IPO8: variants seen among roughly 807,000 people sequenced by gnomAD.
IPO8 encodes importin-8.
Under a neutral mutation model 141.2 loss-of-function variants are expected in IPO8, and 65 were observed. The ratio of observed to expected loss-of-function variants is 0.46; its 90% CI spans 0.38 to 0.57. The LOEUF (loss-of-function observed/expected upper bound fraction) is 0.57, where lower values mean the gene tolerates loss of function less well. Ranked by LOEUF, IPO8 falls within the 20% of genes least tolerant of loss-of-function variation. The pLI, the probability that IPO8 is intolerant of heterozygous loss-of-function variation, is 0.00. For missense variants in IPO8, 980 were observed against 1,246.8 expected (o/e 0.79, Z 3.22); for synonymous variants, 411 against 420.3 (o/e 0.98, Z 0.27).
At chr12:30,651,482 C>G (rs1343250505) in intron 19 of IPO8, among the ~76,000 whole-genome samples, 1 of 152,070 alleles carries the variant, frequency 6.6e-6, no homozygotes, top group African/African-American at 2.4e-5. Context: ...GCTCTACGGC[C>G]AAACGTTTTG....
intron 1 of IPO8, chr12:30,694,961 T>C (rs1408058217): frequency 2.0e-5 from 9 of 455,532 alleles, no homozygotes; most frequent in South Asian, 4.7e-5. Context: ...ATAAGAAATT[T>C]CTCCAACACA....
At chr12:30,675,185 G>A (rs1477515679) in intron 6 of IPO8, among the ~76,000 whole-genome samples, 1 of 152,148 alleles carries the variant, frequency 6.6e-6, no homozygotes, top group Non-Finnish European at 1.5e-5. Context: ...AAATAATACT[G>A]CACATTTTAA....
Position 30,674,026 on chromosome 12 carries a change from T to C in IPO8, c.873A>G (p.Glu291=). ...NVTKEYFEFS[E]FFLKTYAVGI... The stretch of plus-strand genomic sequence containing the variant: ...CCACTGCATAGGTTTTCAAAAAGAA[T>C]TCAGAAAATTCAAAGTATTCTTTTG... The change falls in exon 8 of 25, where the codon GAA becomes GAG. Residue 291 remains glutamate, a synonymous_variant. Transcript: ENST00000256079. 1 of 1,592,458 alleles carries C rather than the reference T, an allele frequency of 6.3e-7. No individual in the cohort carries two copies. Among genetic ancestry groups the C allele is most frequent in the South Asian group, 1.1e-5 (1 of 88,046 alleles).
chr12:30,666,075 C>T (rs889895781), intron 11 of IPO8, 100 bp downstream of exon 11: 13 of 818,482 alleles, frequency 1.6e-5, no homozygotes, highest in East Asian at 1.0e-4. Context: ...CAAATTATAA[C>T]GAATAACAAC....
chr12:30,672,564 C>T (rs1211240037), intron 8 of IPO8, among the ~76,000 whole-genome samples: 1 of 152,050 alleles, frequency 6.6e-6, no homozygotes, highest in Non-Finnish European at 1.5e-5. Flanking sequence ...GATATAATGG[C>T]ATTTTTATAT....
Position 30,684,285 on chromosome 12 carries a change from A to G in IPO8, c.323+16T>C, listed in dbSNP as rs1191932435. 2 of 1,611,986 alleles carry G rather than the reference A, an allele frequency of 1.2e-6. No individual in the cohort carries two copies. Among genetic ancestry groups the G allele is most frequent in the Non-Finnish European group, 8.5e-7 (1 of 1,178,546 alleles). On this transcript the variant is annotated intron_variant, in intron 3 of 24. Transcript: ENST00000256079. ...TTCATGCTTTCTAGTAATCACAAATATATAGCACCACATACCTCACTAAAT... is the reference window on the plus strand; with the variant it reads ...TTCATGCTTTCTAGTAATCACAAATGTATAGCACCACATACCTCACTAAAT...
At chr12:30,643,625 G>A (rs1257255639) in intron 20 of IPO8, among the ~76,000 whole-genome samples, 1 of 152,208 alleles carries the variant, frequency 6.6e-6, no homozygotes, top group Non-Finnish European at 1.5e-5. Context: ...CTGTTGTGAT[G>A]TAATGAGCGA....
chr12:30,690,042 G>A (rs1008985493), intron 2 of IPO8, among the ~76,000 whole-genome samples: 12 of 152,186 alleles, frequency 7.9e-5, no homozygotes, highest in Non-Finnish European at 1.5e-4. Flanking sequence ...TAAGTTTCAT[G>A]TTTAAAACAT....
chr12:30,679,860 A>T (rs1591842872), intron 5 of IPO8, among the ~76,000 whole-genome samples: 1 of 152,146 alleles, frequency 6.6e-6, no homozygotes, highest in South Asian at 2.1e-4. Context: ...CTCCAATCAG[A>T]CCTAAATAAT....
chr12:30,674,845 G>A (rs924854360), intron 6 of IPO8, 92 bp from the exon 7 acceptor site: 23 of 844,506 alleles, frequency 2.7e-5, no homozygotes, highest in Non-Finnish European at 4.3e-5. Context: ...TATAGGTTAA[G>A]TCATATTAAA....
chr12:30,655,833 C>A (rs554111182), intron 17 of IPO8, among the ~76,000 whole-genome samples: 1 of 152,308 alleles, frequency 6.6e-6, no homozygotes, highest in South Asian at 2.1e-4. Context: ...TGCTCTTAAT[C>A]AGAGACAGGC....
chr12:30,682,943 T>A (rs1014415758), intron 3 of IPO8, among the ~76,000 whole-genome samples: 10 of 152,090 alleles, frequency 6.6e-5, no homozygotes, highest in Admixed American at 3.3e-4. Context: ...CAGAGAACCG[T>A]CCCGTAATAA....
chr12:30,677,848 A>G (rs2053142086), intron 5 of IPO8, among the ~76,000 whole-genome samples: 1 of 152,180 alleles, frequency 6.6e-6, no homozygotes, highest in East Asian at 1.9e-4. Context: ...TAAAAATTTT[A>G]AAGTTTGGCC....
In IPO8 at chr12:30,665,774, A is replaced by G. The variant is rs748132936; in HGVS notation, c.1293T>C (p.Asp431=). 1.2e-5 allele frequency: 19 copies of G among 1,613,658 alleles called. No homozygotes were observed. The highest frequency in any genetic ancestry group is 1.6e-5 in the Non-Finnish European group (19 of 1,179,768). Residue 431 remains aspartate (D), a synonymous_variant, in exon 12 of 25, where the codon GAT becomes GAC. Transcript: ENST00000256079. Reference sequence around the variant, plus strand: ...GGGAACCAATCACATGCAGGGCTCCATCTTTCTTCCTAGGGTCAAAGTTCG... The same window carrying G: ...GGGAACCAATCACATGCAGGGCTCCGTCTTTCTTCCTAGGGTCAAAGTTCG... ...TDPNFDPRKK[D]GALHVIGSLA... is the part of the protein sequence containing the mutation.
chr12:30,654,032 G>A (rs1400661190), intron 17 of IPO8, among the ~76,000 whole-genome samples: 1 of 151,874 alleles, frequency 6.6e-6, no homozygotes, highest in East Asian at 1.9e-4. Flanking sequence ...CGATTACAAA[G>A]CCCAAAAGTA....
intron 18 of IPO8, 149 bp from the exon 19 acceptor site, chr12:30,652,438 T>C (rs2052741383): frequency 1.6e-6 from 1 of 631,196 alleles, no homozygotes; most frequent in African/African-American, 1.9e-5. Flanking sequence ...AAGTCTGATG[T>C]GTATTTATAG....
chr12:30,660,950 A>ATAT (rs1565500740), intron 16 of IPO8, among the ~76,000 whole-genome samples, 191 bp downstream of exon 16: 8 of 149,004 alleles, frequency 5.4e-5, no homozygotes, highest in African/African-American at 1.2e-4. Context: ...TATTACAAAT[A>ATAT]TTATGATGTA....
chr12:30,646,155 T>A (rs2052643214), intron 20 of IPO8, among the ~76,000 whole-genome samples: 1 of 152,152 alleles, frequency 6.6e-6, no homozygotes, highest in African/African-American at 2.4e-5. Context: ...CATACAGAGA[T>A]CATATTTGAT....
intron 16 of IPO8, among the ~76,000 whole-genome samples, chr12:30,657,262 A>G (rs1352166569): frequency 1.3e-5 from 2 of 152,240 alleles, no homozygotes; most frequent in African/African-American, 2.4e-5. Flanking sequence ...TTGAAATACA[A>G]TAGAAAACAA....
Sources: allele counts gnomAD v4.1 joint callset (sites outside exome capture counted in the v4.1 genomes callset), GRCh38; gene constraint gnomAD v4.1.1; transcripts MANE v1.5; gene names NCBI Gene and HGNC (gene_info 2026-07-23, HGNC 2026-07-21).